PITPNC1: variants seen among roughly 807,000 people sequenced by gnomAD.
The protein encoded by PITPNC1 is cytoplasmic phosphatidylinositol transfer protein 1.
Under a neutral mutation model 44.7 loss-of-function variants are expected in PITPNC1, and 18 were observed. The observed-to-expected ratio is 0.40, with a 90% CI of 0.28 to 0.60. The LOEUF is 0.60. Ranked by LOEUF, PITPNC1 falls within the 20% of genes least tolerant of loss-of-function variation. PITPNC1 has a pLI of 0.39. For synonymous variants in PITPNC1, 141 were observed against 149.6 expected, an observed-to-expected ratio of 0.94 and a Z score of 0.42; for missense variants, 290 against 418.4, an observed-to-expected ratio of 0.69 and a Z score of 2.68.
chr17:67,667,490 C>CAAAAAAAAAAAAAA (rs71139168), intron 6 of PITPNC1, among the ~76,000 whole-genome samples: 9 of 107,656 alleles, frequency 8.4e-5, no homozygotes, highest in Non-Finnish European at 1.5e-4. Flanking sequence ...GATCCTTTCT[C>CAAAAAAAAAAAAAA]AAAAAAAAAA....
intron 4 of PITPNC1, among the ~76,000 whole-genome samples, chr17:67,559,695 T>A (rs2040882149): frequency 6.6e-6 from 1 of 152,166 alleles, no homozygotes; most frequent in Admixed American, 6.5e-5. Flanking sequence ...GAGACCAGCC[T>A]GGCCAACATG....
At chr17:67,553,500 C>T (rs982427670) in intron 3 of PITPNC1, 110 bp from the exon 4 acceptor site, 5 of 475,942 alleles carry the variant, frequency 1.1e-5, no homozygotes, top group East Asian at 6.8e-5. Flanking sequence ...AATTATAGTT[C>T]GTCAGTATTT....
chr17:67,579,654 G>C (rs1451372120), intron 5 of PITPNC1, among the ~76,000 whole-genome samples: 1 of 123,064 alleles, frequency 8.1e-6, no homozygotes, highest in Non-Finnish European at 1.6e-5. Context: ...TGATTAGAAA[G>C]CAGCCTGGGC....
intron 1 of PITPNC1, among the ~76,000 whole-genome samples, chr17:67,477,864 A>G (rs567607827): frequency 6.6e-6 from 1 of 152,238 alleles, no homozygotes; most frequent in East Asian, 1.9e-4. Flanking sequence ...AGTCTTGCTC[A>G]TGGCCAGCTG....
intron 1 of PITPNC1, among the ~76,000 whole-genome samples, chr17:67,422,369 CT>C (rs1431122181): frequency 6.6e-6 from 1 of 152,132 alleles, no homozygotes; most frequent in Non-Finnish European, 1.5e-5. Context: ...GTCATTTCAA[CT>C]CTCTAAGCTT....
intron 1 of PITPNC1, among the ~76,000 whole-genome samples, chr17:67,404,157 A>C (rs1319310572): frequency 6.6e-6 from 1 of 152,210 alleles, no homozygotes; most frequent in South Asian, 2.1e-4. Context: ...AATATCCTAA[A>C]ATGGGGATAT....
chr17:67,464,705 T>A (rs575049001), intron 1 of PITPNC1, among the ~76,000 whole-genome samples: 1 of 151,682 alleles, frequency 6.6e-6, no homozygotes, highest in South Asian at 2.1e-4. Flanking sequence ...TTAATAAAGT[T>A]CGTAGGGTGT....
In PITPNC1 at chr17:67,516,880, G is replaced by T. The variant is rs186051556; in HGVS notation, c.49-15922G>T. 1.0e-3 allele frequency among the ~76,000 whole-genome samples: 159 copies of T among 152,248 alleles called. 3 individuals carry two copies. The highest frequency in any genetic ancestry group is 7.4e-5 in the Non-Finnish European group (5 of 68,018). On this transcript the variant is annotated intron_variant, in intron 1 of 8. Coordinates refer to ENST00000581322, the MANE Select transcript of PITPNC1 (RefSeq NM_012417.4). Reference sequence around the variant, plus strand: ...GGTGATCTGTCTGCCAAAGCGCTGAGATTACAGGCATAAGCCACCACGCCC... The same window carrying T: ...GGTGATCTGTCTGCCAAAGCGCTGATATTACAGGCATAAGCCACCACGCCC...
At chr17:67,516,313 G>T (rs973873241) in intron 1 of PITPNC1, among the ~76,000 whole-genome samples, 9 of 152,192 alleles carry the variant, frequency 5.9e-5, no homozygotes, top group Admixed American at 3.3e-4. Context: ...GACGGGCTGG[G>T]TTCAAGTCCC....
At chr17:67,433,870 C>G (rs1258581162) in intron 1 of PITPNC1, among the ~76,000 whole-genome samples, 2 of 152,088 alleles carry the variant, frequency 1.3e-5, no homozygotes, top group Non-Finnish European at 2.9e-5. Context: ...CCACTGCACT[C>G]TAGCCTGGGT....
chr17:67,477,616 T>C (rs1361151969), intron 1 of PITPNC1, among the ~76,000 whole-genome samples: 2 of 151,622 alleles, frequency 1.3e-5, no homozygotes, highest in Non-Finnish European at 2.9e-5. Context: ...CCCAGGCTGG[T>C]CTTGAACTCC....
At position 67,473,554 on chromosome 17, in the gene PITPNC1, C is replaced by G. The variant is rs985921327; in HGVS notation, c.49-59248C>G. On this transcript the variant is annotated intron_variant, in intron 1 of 8. Transcript: ENST00000581322. The stretch of plus-strand genomic sequence containing the variant: ...CACCGACCTCGTGATCTGCACGCCT[C>G]AGCCTCCCAAAGTGCTGGGATTACA... Among the ~76,000 whole-genome samples the G allele has an allele frequency of 1.8e-4, 27 of 150,646 alleles. 1 individual carries two copies. Among genetic ancestry groups the G allele is most frequent in the African/African-American group, 6.4e-4 (26 of 40,886 alleles).
At chr17:67,660,173 G>T in intron 6 of PITPNC1, among the ~76,000 whole-genome samples, 1 of 152,124 alleles carries the variant, frequency 6.6e-6, no homozygotes, top group South Asian at 2.1e-4. Flanking sequence ...ATGAGGCACT[G>T]GCTGCTATGC....
chr17:67,674,377 A>G (rs2042565915), intron 7 of PITPNC1, among the ~76,000 whole-genome samples: 2 of 151,918 alleles, frequency 1.3e-5, no homozygotes. Flanking sequence ...GGTGGTGCGC[A>G]CCTGTAGTCC....
intron 3 of PITPNC1, among the ~76,000 whole-genome samples, chr17:67,552,620 C>T: frequency 6.6e-6 from 1 of 152,006 alleles, no homozygotes; most frequent in East Asian, 1.9e-4. Context: ...GTGGCTCACT[C>T]CTGTAATCCC....
chr17:67,568,565 C>T (rs1314824728), intron 4 of PITPNC1, among the ~76,000 whole-genome samples: 2 of 152,028 alleles, frequency 1.3e-5, no homozygotes, highest in African/African-American at 4.8e-5. Flanking sequence ...CTTGCTCTGT[C>T]ACCCAGGCTG....
intron 7 of PITPNC1, 97 bp from the exon 8 acceptor site, chr17:67,675,382 T>C: frequency 1.1e-6 from 1 of 879,336 alleles, no homozygotes; most frequent in South Asian, 1.4e-5. Flanking sequence ...TTAAGAACTC[T>C]GTAATCACCA....
intron 5 of PITPNC1, among the ~76,000 whole-genome samples, chr17:67,616,795 C>G (rs2041763399): frequency 1.3e-5 from 2 of 152,198 alleles, no homozygotes; most frequent in African/African-American, 4.8e-5. Context: ...CCCAGGCAGC[C>G]TCTGCTTTTT....
intron 1 of PITPNC1, among the ~76,000 whole-genome samples, chr17:67,472,691 T>C (rs1244303294): frequency 6.6e-6 from 1 of 151,608 alleles, no homozygotes; most frequent in Non-Finnish European, 1.5e-5. Context: ...TATCATAATG[T>C]TTTAAGAAAG....
Sources: gnomAD v4.1 joint callset for allele counts (sites outside exome capture counted in the v4.1 genomes callset) on GRCh38, gnomAD v4.1.1 for gene constraint, MANE v1.5 for transcripts, NCBI Gene and HGNC (gene_info 2026-07-23, HGNC 2026-07-21) for gene names.